Variants in ROBO2 observed in about 807,000 individuals in gnomAD.
ROBO2 encodes the protein roundabout guidance receptor 2, also known as roundabout homolog 2.
In ROBO2, 53 loss-of-function variants were observed where a neutral mutation model predicts 160.8. That is an observed-to-expected ratio of 0.33 (90% CI 0.26 to 0.41). The LOEUF (loss-of-function observed/expected upper bound fraction) is 0.41. ROBO2 is among the 10% of genes least tolerant of loss of function. ROBO2 has a pLI of 1.00. For missense variants in ROBO2, 1,577 were observed against 1,722.4 expected (o/e 0.92, Z 1.49); for synonymous variants, 664 against 611.7 (o/e 1.09, Z -1.26).
chr3:77,045,999 G>A (rs2064626188), intron 1 of ROBO2, among the ~76,000 whole-genome samples: 1 of 152,100 alleles, frequency 6.6e-6, no homozygotes, highest in Non-Finnish European at 1.5e-5. Flanking sequence ...CTATCCTTTG[G>A]TTTACTAGTT....
intron 6 of ROBO2, among the ~76,000 whole-genome samples, chr3:77,523,974 C>T (rs1017238845): frequency 6.6e-6 from 1 of 151,204 alleles, no homozygotes. Context: ...GTGAGGGATT[C>T]TCAGGTTAGT....
rs1708196241 is a variant in ROBO2 at position 76,280,897 on chromosome 3, A to G, written c.109+343295A>G. Among the ~76,000 whole-genome samples, 3 of 151,904 alleles carry G rather than the reference A, an allele frequency of 2.0e-5. No individual in the cohort carries two copies. The South Asian group carries it at 6.2e-4, about 32-fold the overall frequency. ...AATCTAGTGAAGGTTCTTTAATAGC[A>G]TAGTTCAGTGTGGTGCAGCAGTGTT... On this transcript the variant is annotated intron_variant, in intron 2 of 26. Coordinates refer to the ROBO2 transcript ENST00000487694.
At chr3:76,193,945 G>A (rs1702126172) in intron 2 of ROBO2, among the ~76,000 whole-genome samples, 1 of 152,022 alleles carries the variant, frequency 6.6e-6, no homozygotes, top group African/African-American at 2.4e-5. Context: ...TTCAAATAAG[G>A]AAGGTGAGTT....
intron 1 of ROBO2, among the ~76,000 whole-genome samples, chr3:77,053,754 T>C (rs2065442827): frequency 6.6e-6 from 1 of 152,176 alleles, no homozygotes; most frequent in Admixed American, 6.5e-5. Flanking sequence ...ACTAATGCTT[T>C]ATTTGGTATA....
exon 12 of ROBO2, chr3:77,565,112 G>A (rs1196957436): frequency 3.7e-6 from 6 of 1,613,400 alleles, no homozygotes; most frequent in South Asian, 1.1e-5. Context: ...GATCCTGTGC[G>A]CACACAAGGT....
chr3:76,167,453 G>A (rs13314866), intron 2 of ROBO2, among the ~76,000 whole-genome samples: 7,040 of 152,042 alleles, frequency 0.046, 373 homozygotes, highest in East Asian at 0.22. Context: ...ATGTCCCTCT[G>A]GATTAAATTT....
chr3:76,241,915 C>T (rs976586644), intron 2 of ROBO2, among the ~76,000 whole-genome samples: 6 of 152,010 alleles, frequency 3.9e-5, no homozygotes, highest in Admixed American at 1.3e-4. Flanking sequence ...AATATTCACA[C>T]GTGAAGCAAA....
At chr3:77,032,499 C>T (rs908220782) in intron 2 of ROBO2, among the ~76,000 whole-genome samples, 1 of 151,824 alleles carries the variant, frequency 6.6e-6, no homozygotes, top group African/African-American at 2.4e-5. Context: ...ATAATATTAA[C>T]CATAGTTTAA....
chr3:76,289,758 C>T (rs539504958), intron 2 of ROBO2, among the ~76,000 whole-genome samples: 156 of 152,244 alleles, frequency 1.0e-3, no homozygotes, highest in Non-Finnish European at 2.0e-3. Flanking sequence ...CTCCTTTCCC[C>T]ATTGGTTGTT....
intron 2 of ROBO2, among the ~76,000 whole-genome samples, chr3:76,771,415 A>G (rs1205391516): frequency 6.6e-6 from 1 of 151,210 alleles, no homozygotes; most frequent in East Asian, 2.0e-4. Context: ...GAACAGCACC[A>G]CTATAAGGGT....
chr3:76,063,563 C>T (rs1168720274), intron 2 of ROBO2, among the ~76,000 whole-genome samples: 1 of 151,484 alleles, frequency 6.6e-6, no homozygotes, highest in Non-Finnish European at 1.5e-5. Flanking sequence ...CCAGGCTTGT[C>T]TTGAACTCCT....
intron 2 of ROBO2, among the ~76,000 whole-genome samples, chr3:76,072,317 A>T (rs1399087693): frequency 6.6e-6 from 1 of 152,098 alleles, no homozygotes; most frequent in Non-Finnish European, 1.5e-5. Context: ...AGAAATAGAG[A>T]TTCAAAACAT....
intron 2 of ROBO2, among the ~76,000 whole-genome samples, chr3:76,428,980 G>A (rs576869615): frequency 3.2e-4 from 49 of 152,186 alleles, no homozygotes; most frequent in Non-Finnish European, 6.3e-4. Context: ...CTCACCTGGA[G>A]TGATAAGACT....
chr3:76,205,002 T>C (rs1277333152), intron 2 of ROBO2, among the ~76,000 whole-genome samples: 2 of 152,150 alleles, frequency 1.3e-5, no homozygotes, highest in African/African-American at 4.8e-5. Context: ...AAAATCTTTA[T>C]TTGGAAATAT....
intron 2 of ROBO2, among the ~76,000 whole-genome samples, chr3:76,280,288 C>A (rs1708162007): frequency 1.3e-5 from 2 of 152,002 alleles, no homozygotes; most frequent in African/African-American, 4.8e-5. Context: ...TAAACCATAA[C>A]CCCCAGTGTG....
At chr3:76,428,799 C>T (rs1026536445) in intron 2 of ROBO2, among the ~76,000 whole-genome samples, 13 of 152,126 alleles carry the variant, frequency 8.5e-5, no homozygotes, top group Non-Finnish European at 1.2e-4. Flanking sequence ...AGTGATAACA[C>T]GAGAAGCGTC....
intron 2 of ROBO2, among the ~76,000 whole-genome samples, chr3:77,293,753 A>T (rs190398941): frequency 0.012 from 1,625 of 141,024 alleles, no homozygotes; most frequent in Non-Finnish European, 0.015. Context: ...CTGAGGCTAG[A>T]TCACCCCAGA....
intron 2 of ROBO2, among the ~76,000 whole-genome samples, chr3:76,272,832 T>TATATATTTTATATATAAAATATATAA (rs1559705683): frequency 1.6e-4 from 6 of 38,302 alleles, no homozygotes; most frequent in Non-Finnish European, 2.5e-4. Context: ...ATATATAAAA[T>TATATATTTTATATATAAAATATATAA]ATATATATTA....
intron 2 of ROBO2, among the ~76,000 whole-genome samples, chr3:77,297,427 G>C (rs76759590): frequency 6.6e-6 from 1 of 152,042 alleles, no homozygotes; most frequent in Non-Finnish European, 1.5e-5. Flanking sequence ...AAAACGAGGG[G>C]AAGTTAAAAT....
Sources: allele counts gnomAD v4.1 joint callset (sites outside exome capture counted in the v4.1 genomes callset), GRCh38; gene constraint gnomAD v4.1.1; transcripts MANE v1.5; gene names NCBI Gene and HGNC (gene_info 2026-07-23, HGNC 2026-07-21).